WDR72: variants seen among roughly 807,000 people sequenced by gnomAD.
WDR72 encodes the protein WD repeat domain 72.
A neutral mutation model predicts 124.2 loss-of-function variants in WDR72; 120 were observed. The ratio of observed to expected loss-of-function variants is 0.97; its 90% CI spans 0.83 to 1.12. The LOEUF is 1.12. Ranked by LOEUF, WDR72 falls within the 50% of genes most tolerant of loss-of-function variation. WDR72 has a pLI of 0.00. For synonymous variants in WDR72, 452 were observed against 441.7 expected (o/e 1.02, Z -0.29); for missense variants, 1,387 against 1,278.8 (o/e 1.08, Z -1.29).
intron 1 of WDR72, among the ~76,000 whole-genome samples, chr15:53,754,571 G>T (rs1423897419): frequency 6.6e-6 from 1 of 152,026 alleles, no homozygotes; most frequent in Non-Finnish European, 1.5e-5. Flanking sequence ...TGTCCCTAGG[G>T]CATAAATAAA....
intron 14 of WDR72, among the ~76,000 whole-genome samples, chr15:53,665,117 C>T (rs956694538): frequency 3.9e-5 from 6 of 152,056 alleles, no homozygotes; most frequent in Non-Finnish European, 5.9e-5. Context: ...TTCACTGAGG[C>T]TTGGAATCCT....
chr15:53,725,711 T>A (rs2018003891), intron 2 of WDR72, among the ~76,000 whole-genome samples: 1 of 152,126 alleles, frequency 6.6e-6, no homozygotes, highest in East Asian at 1.9e-4. Context: ...TGTAAAGGTT[T>A]TATGATTCCA....
Position 53,517,569 on chromosome 15 carries a change from A to C in WDR72, c.*130T>G, listed in dbSNP as rs1449875253. 4.4e-6 allele frequency: 4 copies of C among 912,864 alleles called. No homozygotes were observed. The African/African-American group carries it at 6.6e-5, about 15-fold the overall frequency. The allele number at this position is 912,864 out of a possible 1,614,324, so 56.5% of individuals were successfully genotyped here. A position where few individuals can be genotyped will look rare whatever the true frequency, so the allele number is the denominator to read the frequency against. ...AATCACTTTAATACATGTTGGCTAAAGTATTAGCAAATCCACTACAGCCTA... is the reference window on the plus strand; with the variant it reads ...AATCACTTTAATACATGTTGGCTAACGTATTAGCAAATCCACTACAGCCTA... On this transcript the variant is annotated 3_prime_UTR_variant, in exon 20 of 20. Transcript: ENST00000360509.
chr15:53,599,848 GACTTC>G (rs2012961731), intron 17 of WDR72, among the ~76,000 whole-genome samples: 2 of 152,164 alleles, frequency 1.3e-5, no homozygotes, highest in South Asian at 4.2e-4. Flanking sequence ...TACATGTCAT[GACTTC>G]ACTTTAACTG....
At chr15:53,621,710 G>A (rs1209185441) in intron 14 of WDR72, among the ~76,000 whole-genome samples, 2 of 151,832 alleles carry the variant, frequency 1.3e-5, no homozygotes, top group Non-Finnish European at 2.9e-5. Context: ...TGGGTGATGG[G>A]TGCAACAGAA....
intron 14 of WDR72, among the ~76,000 whole-genome samples, chr15:53,648,593 G>T (rs969300576): frequency 3.3e-5 from 5 of 152,046 alleles, no homozygotes; most frequent in Admixed American, 6.6e-5. Flanking sequence ...TTAAAATAGT[G>T]TTTCTCCTCT....
intron 14 of WDR72, among the ~76,000 whole-genome samples, chr15:53,620,524 G>T (rs2013949287): frequency 6.6e-6 from 1 of 151,762 alleles, no homozygotes. Flanking sequence ...CTTCAACAAA[G>T]CAAACAAAAA....
intron 4 of WDR72, among the ~76,000 whole-genome samples, chr15:53,715,799 GAGC>G (rs1475181242): frequency 1.3e-5 from 2 of 152,152 alleles, no homozygotes; most frequent in African/African-American, 4.8e-5. Context: ...CTGGGTGACA[GAGC>G]AAGACCCTGT....
intron 18 of WDR72, among the ~76,000 whole-genome samples, chr15:53,575,998 A>AAT (rs1894741905): frequency 6.6e-6 from 1 of 152,086 alleles, no homozygotes; most frequent in Admixed American, 6.6e-5. Context: ...CATCTACCAA[A>AAT]CTGAGAAACA....
At chr15:53,617,648 A>C (rs79544834) in intron 14 of WDR72, among the ~76,000 whole-genome samples, 4,642 of 151,928 alleles carry the variant, frequency 0.031, 89 homozygotes, top group Non-Finnish European at 0.036. Flanking sequence ...AAAGATAATA[A>C]CAATTCACAA....
chr15:53,655,576 AGAAAAAG>A (rs1477025640), intron 14 of WDR72, among the ~76,000 whole-genome samples: 3 of 152,188 alleles, frequency 2.0e-5, no homozygotes, highest in Non-Finnish European at 2.9e-5. Context: ...CTGAGAGACA[AGAAAAAG>A]GAAAACAAAA....
chr15:53,665,553 C>G lies in WDR72; in HGVS notation c.1962+19G>C. On this transcript the variant is annotated intron_variant, in intron 14 of 19. Transcript: ENST00000360509. ...GGTTGATAATGTTCTTTGTGAACAA[C>G]AGCTTGATTTGAACTTACCTTACAT... The G allele has an allele frequency of 6.2e-7, 1 of 1,613,466 alleles. No individual in the cohort carries two copies. Among genetic ancestry groups the G allele is most frequent in the Non-Finnish European group, 8.5e-7 (1 of 1,179,572 alleles).
At position 53,613,418 on chromosome 15, in the gene WDR72, G is replaced by A. The variant is rs117669571; in HGVS notation, c.2872+248C>T. On this transcript the variant is annotated intron_variant, in intron 16 of 19. Transcript: ENST00000360509. The stretch of plus-strand genomic sequence containing the variant: ...TGTCTATGTTTTAAAATTATAAAAT[G>A]TTCAATCTATGTTTTTAAATGTTTT... 7.8e-3 allele frequency among the ~76,000 whole-genome samples: 1,183 copies of A among 152,042 alleles called. 6 individuals carry two copies. The highest frequency in any genetic ancestry group is 0.014 in the Middle Eastern group (4 of 294).
intron 14 of WDR72, 66 bp downstream of exon 14, chr15:53,665,506 G>A: frequency 6.4e-7 from 1 of 1,554,140 alleles, no homozygotes; most frequent in Non-Finnish European, 8.9e-7. Flanking sequence ...ATGTATTTAT[G>A]AATGCATATA....
At chr15:53,599,176 A>C (rs1051279194) in intron 17 of WDR72, among the ~76,000 whole-genome samples, 2 of 152,078 alleles carry the variant, frequency 1.3e-5, no homozygotes, top group African/African-American at 4.8e-5. Flanking sequence ...TTTCTTACTA[A>C]CATATACTGC....
intron 19 of WDR72, among the ~76,000 whole-genome samples, chr15:53,522,590 G>C (rs929214099): frequency 2.6e-5 from 4 of 152,048 alleles, no homozygotes; most frequent in Non-Finnish European, 5.9e-5. Flanking sequence ...AGAAATCCTT[G>C]TATAAGTGTT....
intron 1 of WDR72, among the ~76,000 whole-genome samples, chr15:53,736,595 A>G (rs2018360968): frequency 6.6e-6 from 1 of 152,198 alleles, no homozygotes; most frequent in African/African-American, 2.4e-5. Context: ...GTTGAAGCCC[A>G]AGGAGGATAG....
chr15:53,536,125 G>A (rs1406986669), intron 18 of WDR72, among the ~76,000 whole-genome samples: 1 of 152,142 alleles, frequency 6.6e-6, no homozygotes, highest in East Asian at 1.9e-4. Flanking sequence ...CAGAGCAGCT[G>A]AGCATTAAGC....
In WDR72 at chr15:53,741,219, T is replaced by C. The variant is rs368295977; in HGVS notation, c.-12-8058A>G. Among the ~76,000 whole-genome samples, 39 of 152,324 alleles carry C rather than the reference T, an allele frequency of 2.6e-4. No homozygotes were observed. In the East Asian group the frequency reaches 2.7e-3, roughly 11 times the overall value. On this transcript the variant is annotated intron_variant, in intron 1 of 19. Transcript: ENST00000360509. ...TCAAATATTTACAAATGTTATTGTATTGTTAAAAGACAAGGAATTTGGAGT... is the reference window on the plus strand; with the variant it reads ...TCAAATATTTACAAATGTTATTGTACTGTTAAAAGACAAGGAATTTGGAGT...
Sources: gnomAD v4.1 joint callset for allele counts (sites outside exome capture counted in the v4.1 genomes callset) on GRCh38, gnomAD v4.1.1 for gene constraint, MANE v1.5 for transcripts, NCBI Gene and HGNC (gene_info 2026-07-23, HGNC 2026-07-21) for gene names.